Variants in RFX3 observed in about 807,000 individuals in gnomAD.
RFX3 encodes regulatory factor X3.
RFX3 carries 14 observed loss-of-function variants against 98.6 expected under a neutral mutation model. The observed-to-expected ratio is 0.14, with a 90% CI of 0.09 to 0.22. The LOEUF (loss-of-function observed/expected upper bound fraction) is 0.22. Among genes scored for constraint, RFX3 ranks in the 10% least tolerant of loss-of-function variants. The probability of loss-of-function intolerance (pLI) is 1.00; values close to 1 mark genes in which losing one functional copy is unlikely to be tolerated. For missense variants in RFX3, 639 were observed against 926.9 expected, an observed-to-expected ratio of 0.69 and a Z score of 4.03; for synonymous variants, 383 against 328.4, an observed-to-expected ratio of 1.17 and a Z score of -1.80.
Position 3,324,024 on chromosome 9 carries a change from A to G in RFX3, c.474+6235T>C, listed in dbSNP as rs150287188. The G allele has an allele frequency of 2.3e-4, 103 of 451,678 alleles. 1 individual carries two copies. In the East Asian group the frequency reaches 5.0e-3, roughly 22 times the overall value. The allele number at this position is 451,678 out of a possible 1,614,324, so 28.0% of individuals were successfully genotyped here. On this transcript the variant is annotated intron_variant, in intron 4 of 16. Transcript: ENST00000617270. ...GAGGCCCAGAACCTTCAGTCAATTTATGATTTAGTGTAGGAAACAGACGGT... is the reference window on the plus strand; with the variant it reads ...GAGGCCCAGAACCTTCAGTCAATTTGTGATTTAGTGTAGGAAACAGACGGT...
intron 8 of RFX3, among the ~76,000 whole-genome samples, chr9:3,276,789 T>A (rs912730205): frequency 6.6e-6 from 1 of 152,048 alleles, no homozygotes; most frequent in African/African-American, 2.4e-5. Context: ...AAAGTGCCAC[T>A]TTTTTGCCCC....
intron 3 of RFX3, among the ~76,000 whole-genome samples, chr9:3,338,987 G>T (rs1833538963): frequency 6.6e-6 from 1 of 152,056 alleles, no homozygotes; most frequent in South Asian, 2.1e-4. Flanking sequence ...TACTCAGGAG[G>T]CTGAGGCAGG....
chr9:3,268,325 C>T (rs1253242766), intron 11 of RFX3, among the ~76,000 whole-genome samples: 1 of 151,640 alleles, frequency 6.6e-6, no homozygotes, highest in African/African-American at 2.4e-5. Flanking sequence ...ATTAAGTTTG[C>T]TCTCTCTACA....
chr9:3,389,336 A>C (rs937573612), intron 2 of RFX3, among the ~76,000 whole-genome samples: 8 of 152,172 alleles, frequency 5.3e-5, no homozygotes, highest in African/African-American at 1.2e-4. Context: ...GATGAGGAGA[A>C]GGAGCAATCC....
intron 1 of RFX3, among the ~76,000 whole-genome samples, chr9:3,491,048 C>T (rs916440434): frequency 3.3e-5 from 5 of 152,158 alleles, no homozygotes; most frequent in South Asian, 2.1e-4. Context: ...CGTAGTTACC[C>T]GGCATGATTT....
chr9:3,354,687 A>G (rs1388286281), intron 2 of RFX3, among the ~76,000 whole-genome samples: 1 of 151,910 alleles, frequency 6.6e-6, no homozygotes, highest in African/African-American at 2.4e-5. Context: ...CAGACAGCCA[A>G]TGAAGATAAT....
chr9:3,242,469 G>T (rs1449706870), intron 15 of RFX3, among the ~76,000 whole-genome samples: 4 of 149,938 alleles, frequency 2.7e-5, no homozygotes, highest in Non-Finnish European at 5.9e-5. Flanking sequence ...AAATACTGTT[G>T]TAACAAGTCT....
intron 15 of RFX3, 88 bp from the exon 16 acceptor site, chr9:3,228,977 T>C (rs1218172262): frequency 3.4e-6 from 4 of 1,177,052 alleles, no homozygotes; most frequent in Non-Finnish European, 4.9e-6. Flanking sequence ...TGCCAATCTA[T>C]GACTCTTTAA....
intron 1 of RFX3, among the ~76,000 whole-genome samples, chr9:3,496,699 G>T (rs573852307): frequency 3.8e-4 from 58 of 152,038 alleles, no homozygotes; most frequent in Middle Eastern, 3.4e-3. Flanking sequence ...AGGCAGTTAA[G>T]GAACTTATTT....
At chr9:3,230,530 A>G (rs1012163791) in intron 15 of RFX3, among the ~76,000 whole-genome samples, 7 of 152,150 alleles carry the variant, frequency 4.6e-5, no homozygotes, top group Non-Finnish European at 7.4e-5. Flanking sequence ...AATTATGTGG[A>G]TTTTCTTGAA....
At chr9:3,266,848 A>C (rs576795952) in intron 11 of RFX3, among the ~76,000 whole-genome samples, 3 of 152,034 alleles carry the variant, frequency 2.0e-5, no homozygotes, top group Non-Finnish European at 2.9e-5. Context: ...AAATTGTCTG[A>C]ATTGAAATTT....
At position 3,475,272 on chromosome 9, in the gene RFX3, T is replaced by C. The variant is rs554773933; in HGVS notation, c.-9+50475A>G. 1.6e-4 allele frequency among the ~76,000 whole-genome samples: 24 copies of C among 149,184 alleles called. No individual in the cohort carries two copies. The East Asian group carries it at 4.0e-3, about 25-fold the overall frequency. Reference sequence around the variant, plus strand: ...TCTCCCCGTGTGCAGAGACGAGAGATTGTAGAAATAAAGACACAAGACAAA... The same window carrying C: ...TCTCCCCGTGTGCAGAGACGAGAGACTGTAGAAATAAAGACACAAGACAAA... On this transcript the variant is annotated intron_variant, in intron 1 of 16. Transcript: ENST00000617270.
At chr9:3,398,914 T>TAAAAAAAAAAAAAAAAAAAAAA (rs71324247) in intron 1 of RFX3, among the ~76,000 whole-genome samples, 1 of 67,568 alleles carries the variant, frequency 1.5e-5, no homozygotes, top group African/African-American at 4.8e-5. Flanking sequence ...TAGAGTATAA[T>TAAAAAAAAAAAAAAAAAAAAAA]AAAAAAAAAA....
intron 2 of RFX3, among the ~76,000 whole-genome samples, chr9:3,353,956 G>C (rs867581016): frequency 6.6e-6 from 1 of 151,594 alleles, no homozygotes; most frequent in African/African-American, 2.4e-5. Flanking sequence ...ACCGTGCTGA[G>C]AAAAAAAGAA....
intron 1 of RFX3, among the ~76,000 whole-genome samples, chr9:3,504,287 AAATATATAT>A (rs1249544804): frequency 1.0e-5 from 1 of 100,128 alleles, no homozygotes; most frequent in African/African-American, 5.5e-5. Flanking sequence ...ATAACATATA[AAATATATAT>A]TATATACCAC....
In RFX3 at chr9:3,224,974, T is replaced by C. The variant is rs1056770846; in HGVS notation, c.*68A>G. The C allele has an allele frequency of 7.4e-6, 11 of 1,491,144 alleles. No individual in the cohort carries two copies. In the African/African-American group the frequency reaches 1.2e-4, roughly 17 times the overall value. 92.4% of individuals were successfully genotyped at this position (1,491,144 alleles called of 1,614,324 possible). ...GACAACAGTCGACCTTCAGGCTTATTAAATTTTCAACTTAAGCCCAATATC... is the reference window on the plus strand; with the variant it reads ...GACAACAGTCGACCTTCAGGCTTATCAAATTTTCAACTTAAGCCCAATATC... On this transcript the variant is annotated 3_prime_UTR_variant, in exon 17 of 17. Transcript: ENST00000617270.
chr9:3,349,487 T>G (rs3012675), intron 2 of RFX3, among the ~76,000 whole-genome samples: 31,239 of 151,918 alleles, frequency 0.21, 5,508 homozygotes, highest in African/African-American at 0.48. Flanking sequence ...ACATGAAATA[T>G]CTATGTGGTT....
At chr9:3,240,074 G>GCAGT (rs1314796831) in intron 15 of RFX3, among the ~76,000 whole-genome samples, 1 of 152,218 alleles carries the variant, frequency 6.6e-6, no homozygotes, top group Non-Finnish European at 1.5e-5. Flanking sequence ...GAGTGATGAA[G>GCAGT]CAGTCTAGGG....
At chr9:3,240,797 A>G (rs1409730507) in intron 15 of RFX3, among the ~76,000 whole-genome samples, 1 of 152,330 alleles carries the variant, frequency 6.6e-6, no homozygotes. Context: ...ACCACCATAA[A>G]GACAGTGTCA....
Sources: gnomAD v4.1 joint callset for allele counts (sites outside exome capture counted in the v4.1 genomes callset) on GRCh38, gnomAD v4.1.1 for gene constraint, MANE v1.5 for transcripts, NCBI Gene and HGNC (gene_info 2026-07-23, HGNC 2026-07-21) for gene names.